Variants in EPB41L4A observed in about 807,000 individuals in gnomAD.
EPB41L4A encodes band 4.1-like protein 4A.
A neutral mutation model predicts 108.6 loss-of-function variants in EPB41L4A; 100 were observed. The observed-to-expected ratio is 0.92, with a 90% CI of 0.78 to 1.09. The LOEUF is 1.09. EPB41L4A is among the 50% of genes least tolerant of loss of function. The pLI, the probability that EPB41L4A is intolerant of heterozygous loss-of-function variation, is 0.00. For missense variants in EPB41L4A, 1,030 were observed against 842.7 expected (o/e 1.22, Z -2.75); for synonymous variants, 319 against 289.0 (o/e 1.10, Z -1.05).
At chr5:112,303,015 C>A (rs1754465214) in intron 2 of EPB41L4A, among the ~76,000 whole-genome samples, 1 of 152,190 alleles carries the variant, frequency 6.6e-6, no homozygotes, top group Non-Finnish European at 1.5e-5. Context: ...GAGGAACTTT[C>A]TGCTTCTTGA....
intron 2 of EPB41L4A, among the ~76,000 whole-genome samples, chr5:112,296,387 T>C (rs535474509): frequency 3.9e-5 from 6 of 152,090 alleles, no homozygotes; most frequent in Non-Finnish European, 8.8e-5. Context: ...ACTATAATAA[T>C]CAATTAAGAA....
downstream of EPB41L4A, chr5:112,161,639 G>A (rs1246116545): frequency 9.6e-6 from 5 of 518,748 alleles, no homozygotes; most frequent in African/African-American, 5.8e-5. Context: ...GTTTCCACGC[G>A]TGATCTTGAC....
At chr5:112,215,040 A>AC (rs1372243767) in intron 12 of EPB41L4A, among the ~76,000 whole-genome samples, 1 of 152,212 alleles carries the variant, frequency 6.6e-6, no homozygotes. Flanking sequence ...AGAACAGTGC[A>AC]CCACCCATGG....
chr5:112,200,520 C>T (rs1762168130), intron 15 of EPB41L4A, among the ~76,000 whole-genome samples: 1 of 152,120 alleles, frequency 6.6e-6, no homozygotes. Context: ...ATGTATTTAT[C>T]CCTTAACAGC....
intron 1 of EPB41L4A, among the ~76,000 whole-genome samples, chr5:112,416,508 A>C (rs1762727130): frequency 6.6e-6 from 1 of 152,098 alleles, no homozygotes; most frequent in South Asian, 2.1e-4. Context: ...AAAAATAGAG[A>C]TTTTTCTAGT....
intron 11 of EPB41L4A, among the ~76,000 whole-genome samples, chr5:112,236,862 C>T (rs535380083): frequency 6.6e-6 from 1 of 152,248 alleles, no homozygotes; most frequent in Non-Finnish European, 1.5e-5. Context: ...GGATATGAAA[C>T]CTCTTTGGCA....
At chr5:112,203,723 C>T (rs553773385) in intron 15 of EPB41L4A, among the ~76,000 whole-genome samples, 1 of 152,186 alleles carries the variant, frequency 6.6e-6, no homozygotes, top group Non-Finnish European at 1.5e-5. Flanking sequence ...CAGGTAGAAA[C>T]ACTTAATATG....
intron 1 of EPB41L4A, among the ~76,000 whole-genome samples, chr5:112,412,540 T>G (rs974185967): frequency 1.3e-5 from 2 of 152,240 alleles, no homozygotes; most frequent in Non-Finnish European, 2.9e-5. Flanking sequence ...TACAAGGTTT[T>G]TGAGTCACAA....
chr5:112,310,878 C>T (rs537262707), intron 1 of EPB41L4A, among the ~76,000 whole-genome samples: 15 of 152,222 alleles, frequency 9.9e-5, no homozygotes, highest in Non-Finnish European at 1.8e-4. Context: ...ACTTTGACTT[C>T]TCAGCAAGAG....
At chr5:112,243,198 G>C (rs984692020) in intron 9 of EPB41L4A, among the ~76,000 whole-genome samples, 2 of 145,210 alleles carry the variant, frequency 1.4e-5, no homozygotes, top group African/African-American at 5.7e-5. Context: ...TGGGTGATAA[G>C]AATGAGACTC....
intron 12 of EPB41L4A, among the ~76,000 whole-genome samples, chr5:112,233,838 T>C (rs1463280635): frequency 6.6e-6 from 1 of 152,158 alleles, no homozygotes; most frequent in East Asian, 1.9e-4. Flanking sequence ...TTTTTGTTGT[T>C]TGTTTTAAGA....
intron 18 of EPB41L4A, among the ~76,000 whole-genome samples, chr5:112,182,581 T>G (rs1761212097): frequency 6.6e-6 from 1 of 152,186 alleles, no homozygotes; most frequent in Non-Finnish European, 1.5e-5. Context: ...TTAGAAATAG[T>G]TAGAAAAACT....
exon 14 of EPB41L4A, chr5:112,142,510 T>A (rs894166559): frequency 2.0e-5 from 3 of 152,236 alleles, no homozygotes; most frequent in African/African-American, 7.2e-5. Flanking sequence ...GGGTCAAGAA[T>A]ATACTCATGG....
intron 1 of EPB41L4A, among the ~76,000 whole-genome samples, chr5:112,400,505 G>C (rs1342814072): frequency 6.6e-6 from 1 of 152,146 alleles, no homozygotes; most frequent in African/African-American, 2.4e-5. Flanking sequence ...GAAGGCAAAG[G>C]GGGAGCAGGC....
At chr5:112,362,845 C>CTGAT (rs574941113) in intron 1 of EPB41L4A, among the ~76,000 whole-genome samples, 5 of 152,108 alleles carry the variant, frequency 3.3e-5, no homozygotes, top group Non-Finnish European at 5.9e-5. Flanking sequence ...CATCTCAAAC[C>CTGAT]TGATCTGATG....
upstream of EPB41L4A, chr5:112,419,924 A>AGGCGGGGACCTGCG: frequency 2.2e-6 from 1 of 456,128 alleles, no homozygotes; most frequent in South Asian, 1.5e-5. Flanking sequence ...CAAAGCGGGG[A>AGGCGGGGACCTGCG]GGCGGGGACC....
At chr5:112,196,408 G>A (rs1761968470) in intron 15 of EPB41L4A, among the ~76,000 whole-genome samples, 1 of 152,174 alleles carries the variant, frequency 6.6e-6, no homozygotes, top group Non-Finnish European at 1.5e-5. Context: ...CATTTAAAAT[G>A]CATACACTAG....
intron 2 of EPB41L4A, among the ~76,000 whole-genome samples, chr5:112,289,716 T>C (rs559307778): frequency 2.6e-5 from 4 of 152,288 alleles, no homozygotes; most frequent in Non-Finnish European, 5.9e-5. Context: ...AGCACACACA[T>C]GACTGAGACT....
Position 112,164,881 on chromosome 5 carries a change from A to T in EPB41L4A, c.*109T>A. On this transcript the variant is annotated 3_prime_UTR_variant, in exon 23 of 23. Transcript: ENST00000261486. Reference sequence around the variant, plus strand: ...AAGATAATGTATTTTCTCATGCTGAAGAAATACTTGCAGGTCTGAGATTTG... The same window carrying T: ...AAGATAATGTATTTTCTCATGCTGATGAAATACTTGCAGGTCTGAGATTTG... The T allele has an allele frequency of 8.7e-7, 1 of 1,154,922 alleles. No homozygotes were observed. The highest frequency in any genetic ancestry group is 1.2e-6 in the Non-Finnish European group (1 of 843,904). 71.5% of individuals were successfully genotyped at this position (1,154,922 alleles called of 1,614,324 possible).
Sources: allele counts gnomAD v4.1 joint callset (sites outside exome capture counted in the v4.1 genomes callset), GRCh38; gene constraint gnomAD v4.1.1; transcripts MANE v1.5; gene names NCBI Gene and HGNC (gene_info 2026-07-23, HGNC 2026-07-21).